The following PTPRD variants were observed in gnomAD, a reference collection of about 807,000 sequenced individuals.
The protein encoded by PTPRD is receptor-type tyrosine-protein phosphatase delta.
In PTPRD, 34 loss-of-function variants were observed where a neutral mutation model predicts 214.5. That is an observed-to-expected ratio of 0.16 (90% CI 0.12 to 0.21). The LOEUF is 0.21. Ranked by LOEUF, PTPRD falls within the 10% of genes least tolerant of loss-of-function variation. The pLI is 1.00. For missense variants in PTPRD, 2,545 were observed against 2,398.7 expected, an observed-to-expected ratio of 1.06 and a Z score of -1.27; for synonymous variants, 1,128 against 845.7, an observed-to-expected ratio of 1.33 and a Z score of -5.79.
At chr9:9,819,250 G>A (rs2049875892) in intron 5 of PTPRD, among the ~76,000 whole-genome samples, 1 of 152,050 alleles carries the variant, frequency 6.6e-6, no homozygotes, top group Non-Finnish European at 1.5e-5. Flanking sequence ...TGGAGTATCG[G>A]CAGAAATTAC....
intron 9 of PTPRD, among the ~76,000 whole-genome samples, chr9:9,227,649 T>C (rs980928815): frequency 2.6e-5 from 4 of 152,128 alleles, no homozygotes; most frequent in Middle Eastern, 3.2e-3. Flanking sequence ...CACAACTTCT[T>C]TGTAGTTCTT....
intron 8 of PTPRD, among the ~76,000 whole-genome samples, chr9:9,480,144 T>C (rs1282601445): frequency 6.6e-6 from 1 of 152,208 alleles, no homozygotes; most frequent in African/African-American, 2.4e-5. Context: ...AGGGCATTCA[T>C]ATGCTTCAGG....
intron 12 of PTPRD, among the ~76,000 whole-genome samples, chr9:8,686,652 A>G (rs2097687471): frequency 6.6e-6 from 1 of 152,264 alleles, no homozygotes; most frequent in South Asian, 2.1e-4. Flanking sequence ...TCGGAACCAG[A>G]GTTATTTTGA....
chr9:8,576,000 T>C (rs1041364247), intron 14 of PTPRD, among the ~76,000 whole-genome samples: 13 of 152,160 alleles, frequency 8.5e-5, no homozygotes, highest in African/African-American at 2.7e-4. Flanking sequence ...ACAAATGAGA[T>C]AGTCCTAACA....
At chr9:10,037,857 A>G (rs1343702973) in intron 3 of PTPRD, among the ~76,000 whole-genome samples, 1 of 152,150 alleles carries the variant, frequency 6.6e-6, no homozygotes, top group Admixed American at 6.6e-5. Flanking sequence ...AATGAAACAA[A>G]TGAAGCTCTT....
rs183235293 is a variant in PTPRD at position 8,502,859 on chromosome 9, T to C, written c.1822+1402A>G. On this transcript the variant is annotated intron_variant, in intron 23 of 45. Coordinates refer to ENST00000381196, the MANE Select transcript of PTPRD (RefSeq NM_002839.4). ...ATGTATGTGTGTGTGTATATATATA[T>C]ATATACACACACACACATATGTTAA... is the stretch of plus-strand genomic sequence containing the variant. Among the ~76,000 whole-genome samples the C allele has an allele frequency of 2.3e-3, 345 of 151,188 alleles. 1 individual carries two copies. Among genetic ancestry groups the C allele is most frequent in the Admixed American group, 4.3e-3 (65 of 15,156 alleles).
At chr9:9,179,396 T>A (rs749352954) in intron 10 of PTPRD, among the ~76,000 whole-genome samples, 14 of 152,134 alleles carry the variant, frequency 9.2e-5, no homozygotes, top group Non-Finnish European at 1.8e-4. Flanking sequence ...TATCATTAGC[T>A]TGATCCAATT....
intron 8 of PTPRD, among the ~76,000 whole-genome samples, chr9:9,496,525 G>GA (rs1212736638): frequency 1.3e-5 from 2 of 151,864 alleles, no homozygotes; most frequent in African/African-American, 4.8e-5. Flanking sequence ...AATGAGATAT[G>GA]GTAACACACC....
At chr9:9,628,495 C>A (rs1164387919) in intron 7 of PTPRD, among the ~76,000 whole-genome samples, 2 of 152,122 alleles carry the variant, frequency 1.3e-5, no homozygotes, top group Non-Finnish European at 2.9e-5. Context: ...CCATTGGTAT[C>A]CAGGATCTGC....
In PTPRD at chr9:9,711,069, C is replaced by T. The variant is rs918933147; in HGVS notation, c.-287+23464G>A. On this transcript the variant is annotated intron_variant, in intron 7 of 45. Coordinates refer to ENST00000381196, the MANE Select transcript of PTPRD (RefSeq NM_002839.4). ...TCCAGAGTTGGTTCCCACCTTGTGCCGAGCTACCTGGATAGGATCAGGCCA... is the reference window on the plus strand; with the variant it reads ...TCCAGAGTTGGTTCCCACCTTGTGCTGAGCTACCTGGATAGGATCAGGCCA... Among the ~76,000 whole-genome samples, 4 of 152,004 alleles carry T rather than the reference C, an allele frequency of 2.6e-5. No individual in the cohort carries two copies. In the South Asian group the frequency reaches 6.2e-4, roughly 24 times the overall value.
intron 5 of PTPRD, among the ~76,000 whole-genome samples, chr9:9,795,335 T>C (rs551256692): frequency 6.6e-6 from 1 of 152,138 alleles, no homozygotes; most frequent in East Asian, 1.9e-4. Context: ...TTAGGAATAC[T>C]ATCACCAGAT....
At chr9:8,800,296 G>A (rs969048856) in intron 11 of PTPRD, among the ~76,000 whole-genome samples, 4 of 152,024 alleles carry the variant, frequency 2.6e-5, no homozygotes, top group East Asian at 1.9e-4. Context: ...TCTGTCAGAG[G>A]CATGTGAGCC....
chr9:8,630,417 G>C (rs2096215265), intron 14 of PTPRD, among the ~76,000 whole-genome samples: 1 of 151,772 alleles, frequency 6.6e-6, no homozygotes, highest in Admixed American at 6.6e-5. Context: ...ACTATTAATA[G>C]AAATAACAAT....
At chr9:9,817,499 T>C (rs1392650399) in intron 5 of PTPRD, among the ~76,000 whole-genome samples, 1 of 152,162 alleles carries the variant, frequency 6.6e-6, no homozygotes, top group Non-Finnish European at 1.5e-5. Flanking sequence ...AATATGTCTT[T>C]AGAGGCCAAA....
rs541024131 is a variant in PTPRD, at chr9:9,069,147, G to A, written c.-142-50412C>T. Among the ~76,000 whole-genome samples, 188 of 152,252 alleles carry A rather than the reference G, an allele frequency of 1.2e-3. 1 individual carries two copies. Among genetic ancestry groups the A allele is most frequent in the African/African-American group, 4.5e-3 (185 of 41,556 alleles). ...ATTGCTATACTTAAAGGTTTCTCAAGGTGGAACTTTAAATTCCCAAGACAA... is the reference window on the plus strand; with the variant it reads ...ATTGCTATACTTAAAGGTTTCTCAAAGTGGAACTTTAAATTCCCAAGACAA... On this transcript the variant is annotated intron_variant, in intron 10 of 45. Transcript: ENST00000381196.
intron 11 of PTPRD, among the ~76,000 whole-genome samples, chr9:8,837,009 G>C: frequency 6.7e-6 from 1 of 148,150 alleles, no homozygotes; most frequent in South Asian, 2.2e-4. Context: ...TTACAGGCGT[G>C]AGCCACCACA....
intron 7 of PTPRD, among the ~76,000 whole-genome samples, chr9:9,663,942 T>A (rs1461159418): frequency 1.3e-5 from 2 of 151,370 alleles, no homozygotes; most frequent in Admixed American, 1.3e-4. Flanking sequence ...TTTTAGAAAC[T>A]CTTTCACATA....
chr9:10,113,214 T>A (rs1043577180), intron 3 of PTPRD, among the ~76,000 whole-genome samples: 5 of 152,190 alleles, frequency 3.3e-5, no homozygotes. Context: ...ACAGGAACTG[T>A]TTCCAGTGCT....
At chr9:9,977,457 G>C (rs908685137) in intron 4 of PTPRD, among the ~76,000 whole-genome samples, 1 of 152,134 alleles carries the variant, frequency 6.6e-6, no homozygotes, top group African/African-American at 2.4e-5. Flanking sequence ...CTATGTTTAA[G>C]TTTTTAATGT....
Sources: gnomAD v4.1 joint callset for allele counts (sites outside exome capture counted in the v4.1 genomes callset) on GRCh38, gnomAD v4.1.1 for gene constraint, MANE v1.5 for transcripts, NCBI Gene and HGNC (gene_info 2026-07-23, HGNC 2026-07-21) for gene names.